NACC2: variants seen among roughly 807,000 people sequenced by gnomAD.
The protein encoded by NACC2 is NACC family member 2.
NACC2 carries 8 observed loss-of-function variants against 25.1 expected under a neutral mutation model. That is an observed-to-expected ratio of 0.32 (90% CI 0.19 to 0.57). The LOEUF (loss-of-function observed/expected upper bound fraction) is 0.57. Ranked by LOEUF, NACC2 falls within the 20% of genes least tolerant of loss-of-function variation. The pLI is 0.89. For synonymous variants in NACC2, 435 were observed against 294.7 expected (o/e 1.48, Z -4.88); for missense variants, 644 against 650.2 (o/e 0.99, Z 0.10).
At chr9:136,047,399 G>A (rs1438008475) in intron 2 of NACC2, among the ~76,000 whole-genome samples, 3 of 152,238 alleles carry the variant, frequency 2.0e-5, no homozygotes, top group Non-Finnish European at 4.4e-5. Context: ...CCACTTATGG[G>A]CTTGCCGAAC....
rs1358875776 is a variant in NACC2 at position 136,040,324 on chromosome 9, G to A, written c.886+9312C>T. ...CACACCACTGCACTCCAGCCTGGGC[G>A]ACAGAGCAAGACTCCGTCTCAAAAA... On this transcript the variant is annotated intron_variant, in intron 2 of 5. Transcript: ENST00000277554. Among the ~76,000 whole-genome samples the A allele has an allele frequency of 8.7e-5, 13 of 149,584 alleles. No individual in the cohort carries two copies. The South Asian group carries it at 2.8e-3, about 32-fold the overall frequency.
chr9:136,088,962 TCGGCATCG>T (rs1336040926), intron 1 of NACC2, among the ~76,000 whole-genome samples: 1 of 152,250 alleles, frequency 6.6e-6, no homozygotes, highest in Non-Finnish European at 1.5e-5. Context: ...GATAATGATC[TCGGCATCG>T]CGTGGAGCGG....
chr9:136,059,676 C>G (rs1840981009), intron 1 of NACC2, among the ~76,000 whole-genome samples: 1 of 152,268 alleles, frequency 6.6e-6, no homozygotes, highest in Admixed American at 6.5e-5. Context: ...GGACACCCTG[C>G]ATACGGCTGG....
At position 136,049,835 on chromosome 9, in the gene NACC2, C is replaced by A; in HGVS notation, c.687G>T (p.Leu229=). The change falls in exon 2 of 6, where the codon CTG becomes CTT. Residue 229 remains leucine (L), a synonymous_variant. Transcript: ENST00000277554. The stretch of plus-strand genomic sequence containing the variant: ...GCTGGATGCCGGGGATGAGGGTGGC[C>A]AGGCTGGGCACCCCGTAGTAGGAGA... The part of the protein sequence containing the change: ...PRVSYYGVPS[L]ATLIPGIQQM... 1 of 713,544 alleles carries A rather than the reference C, an allele frequency of 1.4e-6. No homozygotes were observed. The highest frequency in any genetic ancestry group is 2.0e-5 in the Admixed American group (1 of 48,956). The allele number at this position is 713,544 out of a possible 1,614,324, so 44.2% of individuals were successfully genotyped here.
In NACC2 at chr9:136,022,898, C is replaced by T. The variant is rs896706136; in HGVS notation, c.887-6469G>A. Among the ~76,000 whole-genome samples, 11 of 130,500 alleles carry T rather than the reference C, an allele frequency of 8.4e-5. No individual in the cohort carries two copies. Among genetic ancestry groups the T allele is most frequent in the South Asian group, 2.4e-4 (1 of 4,190 alleles). 85.6% of individuals were successfully genotyped at this position (130,500 alleles called of 152,430 possible). ...GAAGGCAAACCATCACCAATTACCA[C>T]GCCATGCCACGCCACACCGTGCCTG... is the stretch of plus-strand genomic sequence containing the variant. On this transcript the variant is annotated intron_variant, in intron 2 of 5. Coordinates refer to ENST00000277554, the MANE Select transcript of NACC2 (RefSeq NM_144653.5). The surrounding 1 kb of genome is among the most constrained non-coding windows in gnomAD (Gnocchi z 4.4).
chr9:136,046,477 G>A (rs1840726781), intron 2 of NACC2, among the ~76,000 whole-genome samples: 2 of 152,222 alleles, frequency 1.3e-5, no homozygotes, highest in African/African-American at 4.8e-5. Context: ...GATGGCTTAA[G>A]GCCCAGGAGG....
intron 1 of NACC2, among the ~76,000 whole-genome samples, chr9:136,056,742 A>G (rs147154652): frequency 2.0e-5 from 3 of 152,122 alleles, no homozygotes; most frequent in Non-Finnish European, 4.4e-5. Context: ...GGCTGGGCCC[A>G]GGCCGGGCTC....
chr9:136,041,072 GAAGGAAAGGAAGGAAGCAAAGGA>G (rs1840622031), intron 2 of NACC2, among the ~76,000 whole-genome samples: 1 of 149,872 alleles, frequency 6.7e-6, no homozygotes, highest in Admixed American at 6.7e-5. Flanking sequence ...AGGAAGGAAG[GAAGGAAAGGAAGGAAGCAAAGGA>G]AAGGAAAGGA....
chr9:136,060,882 C>A (rs1380503634), intron 1 of NACC2, among the ~76,000 whole-genome samples: 1 of 152,236 alleles, frequency 6.6e-6, no homozygotes, highest in Non-Finnish European at 1.5e-5. Flanking sequence ...TCCTCTGCAT[C>A]CAGGAAGCCC....
At chr9:136,040,941 A>G (rs1265642711) in intron 2 of NACC2, among the ~76,000 whole-genome samples, 4 of 151,388 alleles carry the variant, frequency 2.6e-5, no homozygotes, top group African/African-American at 9.7e-5. Flanking sequence ...AGCCCAGGCG[A>G]CAGAGTGAGA....
At chr9:136,021,968 A>C (rs1378995385) in intron 2 of NACC2, among the ~76,000 whole-genome samples, 1 of 152,074 alleles carries the variant, frequency 6.6e-6, no homozygotes, top group African/African-American at 2.4e-5. Flanking sequence ...GGCAGCATGG[A>C]GGGGTTTGGC....
rs1346105864 is a variant in NACC2, at chr9:136,022,778, T to C, written c.887-6349A>G. On this transcript the variant is annotated intron_variant, in intron 2 of 5. Coordinates refer to ENST00000277554, the MANE Select transcript of NACC2 (RefSeq NM_144653.5). This position sits in a 1 kb window ranked among gnomAD's most constrained non-coding sequence, Gnocchi z 4.4. Reference sequence around the variant, plus strand: ...GAAACGACTTCCACGCTGTACTTGGTGGGAGCACAGAGGCCACAATTATAA... The same window carrying C: ...GAAACGACTTCCACGCTGTACTTGGCGGGAGCACAGAGGCCACAATTATAA... 6.6e-6 allele frequency among the ~76,000 whole-genome samples: 1 copy of C among 151,868 alleles called. No individual in the cohort carries two copies. Among genetic ancestry groups the C allele is most frequent in the Admixed American group, 6.6e-5 (1 of 15,250 alleles).
At chr9:136,070,668 G>A (rs200303683) in intron 1 of NACC2, among the ~76,000 whole-genome samples, 12 of 135,862 alleles carry the variant, frequency 8.8e-5, no homozygotes, top group African/African-American at 2.0e-4. Flanking sequence ...CAAGGAATCA[G>A]AAAAAAAAAA....
intron 3 of NACC2, among the ~76,000 whole-genome samples, chr9:136,015,274 G>C (rs575977427): frequency 8.1e-4 from 124 of 152,344 alleles, no homozygotes; most frequent in African/African-American, 2.9e-3. Context: ...CTGCGCCCCA[G>C]AGCCCAACCC....
chr9:136,076,638 C>A (rs901878733), intron 1 of NACC2, among the ~76,000 whole-genome samples: 4 of 152,130 alleles, frequency 2.6e-5, no homozygotes, highest in Non-Finnish European at 4.4e-5. Context: ...TGGGAATGTT[C>A]TTACTGCCAC....
In NACC2 at chr9:136,068,810, A is replaced by G. The variant is rs545788519; in HGVS notation, c.-59-18230T>C. ...AAGGCAGGAAAAAGAAACAAAAGAT[A>G]GAACAGAATCAAAAACTAAAATAGG... On this transcript the variant is annotated intron_variant, in intron 1 of 5. Coordinates refer to ENST00000277554, the MANE Select transcript of NACC2 (RefSeq NM_144653.5). Among the ~76,000 whole-genome samples the G allele has an allele frequency of 1.2e-3, 185 of 151,936 alleles. 3 individuals carry two copies. Among genetic ancestry groups the G allele is most frequent in the African/African-American group, 4.0e-3 (163 of 41,206 alleles).
At chr9:136,038,152 G>A (rs991526670) in intron 2 of NACC2, among the ~76,000 whole-genome samples, 1 of 152,256 alleles carries the variant, frequency 6.6e-6, no homozygotes, top group Non-Finnish European at 1.5e-5. Flanking sequence ...GAAGCGGGGG[G>A]AAATGACCAC....
chr9:136,025,567 A>C (rs1840375197), intron 2 of NACC2, among the ~76,000 whole-genome samples: 1 of 152,174 alleles, frequency 6.6e-6, no homozygotes, highest in Non-Finnish European at 1.5e-5. Flanking sequence ...AACAAGATGG[A>C]AAATTTCACC....
chr9:136,075,324 G>T lies in NACC2; in HGVS notation c.-60+19865C>A, dbSNP rs138183467. 7.4e-3 allele frequency among the ~76,000 whole-genome samples: 1,130 copies of T among 152,340 alleles called. 10 individuals are homozygous for T. The highest frequency in any genetic ancestry group is 0.024 in the African/African-American group (1,002 of 41,574). On this transcript the variant is annotated intron_variant, in intron 1 of 5. Transcript: ENST00000277554. Reference sequence around the variant, plus strand: ...TGCGGCCGCCTGGCTGGGATACTTGGGGGGAAAGCCCTCCCTAGCTCCCCC... The same window carrying T: ...TGCGGCCGCCTGGCTGGGATACTTGTGGGGAAAGCCCTCCCTAGCTCCCCC...
Sources: allele counts gnomAD v4.1 joint callset (sites outside exome capture counted in the v4.1 genomes callset), GRCh38; gene constraint gnomAD v4.1.1; non-coding constraint Gnocchi (gnomAD v3.1); transcripts MANE v1.5; gene names NCBI Gene and HGNC (gene_info 2026-07-23, HGNC 2026-07-21).